The following GBE1 variants were observed in gnomAD, a reference collection of about 807,000 sequenced individuals.
The protein encoded by GBE1 is 1,4-alpha-glucan branching enzyme 1.
In GBE1, 70 loss-of-function variants were observed where a neutral mutation model predicts 88.8. That is an observed-to-expected ratio of 0.79 (90% confidence interval 0.65 to 0.96). The LOEUF (loss-of-function observed/expected upper bound fraction) is 0.96, where lower values mean the gene tolerates loss of function less well. Ranked by LOEUF, GBE1 falls within the 40% of genes least tolerant of loss-of-function variation. The pLI, the probability that GBE1 is intolerant of heterozygous loss-of-function variation, is 0.00. For synonymous variants in GBE1, 284 were observed against 300.1 expected (o/e 0.95, Z 0.56); for missense variants, 872 against 871.0 (o/e 1.00, Z -0.01).
chr3:81,676,178 G>A (rs181100110), intron 2 of GBE1, among the ~76,000 whole-genome samples: 18 of 152,178 alleles, frequency 1.2e-4, no homozygotes, highest in African/African-American at 7.2e-5. Flanking sequence ...TAGTAGTTAC[G>A]TTTTGGGGGA....
At chr3:81,646,958 T>G in intron 5 of GBE1, among the ~76,000 whole-genome samples, 1 of 121,500 alleles carries the variant, frequency 8.2e-6, no homozygotes, top group East Asian at 2.3e-4. Context: ...TAAGGTAGCT[T>G]TTTTTTTTTT....
intron 14 of GBE1, among the ~76,000 whole-genome samples, chr3:81,517,231 A>C (rs575825016): frequency 1.3e-5 from 2 of 151,646 alleles, no homozygotes; most frequent in South Asian, 4.1e-4. Flanking sequence ...AGCCATTAAC[A>C]TCAAGGCAAG....
chr3:81,715,086 T>G (rs1705923286), intron 1 of GBE1, among the ~76,000 whole-genome samples: 1 of 152,096 alleles, frequency 6.6e-6, no homozygotes, highest in African/African-American at 2.4e-5. Flanking sequence ...TGTAGAAGAA[T>G]AAAGGCTCCA....
chr3:81,554,515 G>C (rs2106900121), intron 12 of GBE1, among the ~76,000 whole-genome samples: 1 of 152,284 alleles, frequency 6.6e-6, no homozygotes, highest in East Asian at 1.9e-4. Context: ...CTATGATTAG[G>C]ATATGCTACC....
intron 3 of GBE1, among the ~76,000 whole-genome samples, chr3:81,667,301 C>T (rs1705125217): frequency 1.3e-5 from 2 of 152,114 alleles, no homozygotes; most frequent in African/African-American, 2.4e-5. Context: ...ATTTTGTATC[C>T]TGAGACTCCA....
chr3:81,531,913 T>C (rs9871153), intron 14 of GBE1, among the ~76,000 whole-genome samples: 100,113 of 151,840 alleles, frequency 0.66, 34,995 homozygotes, highest in East Asian at 0.92. Context: ...GCAGAAAATA[T>C]CCCTCTGCCT....
chr3:81,716,667 C>T (rs142973562), intron 1 of GBE1, among the ~76,000 whole-genome samples: 309 of 152,228 alleles, frequency 2.0e-3, no homozygotes, highest in Middle Eastern at 0.014. Flanking sequence ...TTTAATGACA[C>T]AACTTAAAGA....
intron 2 of GBE1, among the ~76,000 whole-genome samples, chr3:81,680,958 C>G (rs765631393): frequency 6.6e-6 from 1 of 152,246 alleles, no homozygotes. Flanking sequence ...TGTTTAGAAG[C>G]CATCCAGTCT....
intron 14 of GBE1, among the ~76,000 whole-genome samples, chr3:81,507,804 G>A (rs962198515): frequency 1.3e-5 from 2 of 151,944 alleles, no homozygotes; most frequent in Non-Finnish European, 2.9e-5. Context: ...CACTGTCTTC[G>A]TTAAAAGTTT....
At chr3:81,558,844 T>G (rs1703383321) in intron 12 of GBE1, among the ~76,000 whole-genome samples, 1 of 152,114 alleles carries the variant, frequency 6.6e-6, no homozygotes, top group Admixed American at 6.6e-5. Context: ...CAGATGTCCT[T>G]GTCTTTTACT....
At chr3:81,688,877 G>A (rs993717828) in intron 2 of GBE1, among the ~76,000 whole-genome samples, 6 of 151,268 alleles carry the variant, frequency 4.0e-5, no homozygotes, top group African/African-American at 1.2e-4. Flanking sequence ...AAATTACACA[G>A]GCAATTACTA....
intron 7 of GBE1, among the ~76,000 whole-genome samples, chr3:81,604,286 C>CTTTTT (rs775592244): frequency 7.3e-5 from 4 of 54,916 alleles, no homozygotes; most frequent in Non-Finnish European, 9.2e-5. Flanking sequence ...TTCTTTCTTT[C>CTTTTT]TTTTTTTTTT....
intron 2 of GBE1, among the ~76,000 whole-genome samples, chr3:81,680,743 A>T (rs947078335): frequency 1.2e-4 from 19 of 152,178 alleles, no homozygotes; most frequent in African/African-American, 4.1e-4. Context: ...GAATTAAATC[A>T]TGAAGGAAAG....
intron 8 of GBE1, among the ~76,000 whole-genome samples, chr3:81,592,421 T>C (rs1703892562): frequency 6.6e-6 from 1 of 152,082 alleles, no homozygotes; most frequent in African/African-American, 2.4e-5. Flanking sequence ...TTTTCATGCA[T>C]GCAAGTAAAT....
chr3:81,736,110 T>C (rs1559703173), intron 1 of GBE1, among the ~76,000 whole-genome samples: 1 of 152,248 alleles, frequency 6.6e-6, no homozygotes, highest in Admixed American at 6.5e-5. Context: ...CATATCCCAG[T>C]AAGATTTCCC....
intron 7 of GBE1, among the ~76,000 whole-genome samples, chr3:81,618,520 G>A (rs1413535668): frequency 2.6e-5 from 4 of 152,030 alleles, no homozygotes; most frequent in Admixed American, 2.0e-4. Flanking sequence ...GATCATTTTC[G>A]TGTTAATTTT....
At chr3:81,562,955 C>A (rs1423530979) in intron 12 of GBE1, among the ~76,000 whole-genome samples, 2 of 151,500 alleles carry the variant, frequency 1.3e-5, no homozygotes, top group African/African-American at 4.9e-5. Flanking sequence ...CAGAGAAATT[C>A]ATCTTTTAAA....
intron 12 of GBE1, among the ~76,000 whole-genome samples, chr3:81,571,349 T>A (rs549824359): frequency 1.3e-5 from 2 of 152,324 alleles, no homozygotes; most frequent in East Asian, 3.9e-4. Context: ...TCTTCTGATA[T>A]TTCAACTTAT....
chr3:81,621,141 T>C (rs1704326673), intron 7 of GBE1, among the ~76,000 whole-genome samples: 1 of 152,182 alleles, frequency 6.6e-6, no homozygotes, highest in Non-Finnish European at 1.5e-5. Flanking sequence ...CCACTGAATG[T>C]TTTCCATTTG....
Sources: allele counts gnomAD v4.1 joint callset (sites outside exome capture counted in the v4.1 genomes callset), GRCh38; gene constraint gnomAD v4.1.1; transcripts MANE v1.5; gene names NCBI Gene and HGNC (gene_info 2026-07-23, HGNC 2026-07-21).